The following PID1 variants were observed in gnomAD, a reference collection of about 807,000 sequenced individuals.
PID1 encodes the protein phosphotyrosine interaction domain containing 1, also known as PTB-containing, cubilin and LRP1-interacting protein.
A neutral mutation model predicts 19.1 loss-of-function variants in PID1; 10 were observed. The ratio of observed to expected loss-of-function variants is 0.52; its 90% CI spans 0.32 to 0.89. The LOEUF (loss-of-function observed/expected upper bound fraction) is 0.89, where lower values mean the gene tolerates loss of function less well. Ranked by LOEUF, PID1 falls within the 40% of genes least tolerant of loss-of-function variation. The probability of loss-of-function intolerance (pLI) is 0.03; values close to 1 mark genes in which losing one functional copy is unlikely to be tolerated. For synonymous variants in PID1, 130 were observed against 116.0 expected (o/e 1.12, Z -0.78); for missense variants, 248 against 285.3 (o/e 0.87, Z 0.94).
intron 2 of PID1, among the ~76,000 whole-genome samples, chr2:229,066,197 C>T (rs1356674612): frequency 6.6e-6 from 1 of 151,810 alleles, no homozygotes; most frequent in Non-Finnish European, 1.5e-5. Context: ...AGATTCTATC[C>T]ATTCATTTAC....
intron 1 of PID1, among the ~76,000 whole-genome samples, chr2:229,263,706 A>C (rs2106293733): frequency 6.6e-6 from 1 of 152,334 alleles, no homozygotes; most frequent in African/African-American, 2.4e-5. Context: ...GAGACAACAA[A>C]ATCTCTGTCC....
At chr2:229,157,578 T>G (rs1690401369) in intron 1 of PID1, among the ~76,000 whole-genome samples, 1 of 152,186 alleles carries the variant, frequency 6.6e-6, no homozygotes, top group Admixed American at 6.5e-5. Context: ...CACAGAGCAT[T>G]AGTGATGCCC....
rs1693384320 is a variant in PID1 at position 229,025,186 on chromosome 2, C to A, written c.*446G>T. ...GGCCCTCCCGAGATGTTCCTTCCTCCCTGCGGCCAGCGTCCCCATCAGCAC... is the reference window on the plus strand; with the variant it reads ...GGCCCTCCCGAGATGTTCCTTCCTCACTGCGGCCAGCGTCCCCATCAGCAC... On this transcript the variant is annotated 3_prime_UTR_variant, in exon 3 of 3. Coordinates refer to ENST00000392055, the MANE Select transcript of PID1 (RefSeq NM_001100818.2). The A allele has an allele frequency of 6.1e-6, 1 of 163,510 alleles. No homozygotes were observed. The highest frequency in any genetic ancestry group is 1.3e-5 in the Non-Finnish European group (1 of 74,298). The allele number at this position is 163,510 out of a possible 1,614,324, so 10.1% of individuals were successfully genotyped here.
intron 2 of PID1, among the ~76,000 whole-genome samples, chr2:229,079,673 G>A (rs1403393009): frequency 6.6e-6 from 1 of 152,186 alleles, no homozygotes; most frequent in Non-Finnish European, 1.5e-5. Flanking sequence ...ATCTCCAGTT[G>A]TTCCATTTGA....
intron 2 of PID1, among the ~76,000 whole-genome samples, chr2:229,041,819 G>A (rs994385650): frequency 8.6e-5 from 13 of 151,428 alleles, no homozygotes; most frequent in Non-Finnish European, 4.4e-5. Flanking sequence ...AATCCAAATG[G>A]AAGGGCATTG....
At chr2:229,257,611 T>G (rs1347092999) in intron 1 of PID1, among the ~76,000 whole-genome samples, 1 of 152,206 alleles carries the variant, frequency 6.6e-6, no homozygotes, top group Non-Finnish European at 1.5e-5. Flanking sequence ...AGCCCCAGAC[T>G]GGACAATATG....
At chr2:229,194,511 TAAG>T (rs1434496040) in intron 1 of PID1, among the ~76,000 whole-genome samples, 3 of 151,944 alleles carry the variant, frequency 2.0e-5, no homozygotes, top group Admixed American at 2.0e-4. Flanking sequence ...ATTTTTAAAT[TAAG>T]GAGAATGTAA....
chr2:229,128,888 G>C (rs1574651454), intron 2 of PID1, among the ~76,000 whole-genome samples: 1 of 152,268 alleles, frequency 6.6e-6, no homozygotes, highest in Non-Finnish European at 1.5e-5. Context: ...AAAATACAGA[G>C]TGCAATTGGA....
intron 2 of PID1, among the ~76,000 whole-genome samples, chr2:229,131,263 C>T (rs1689735001): frequency 6.6e-6 from 1 of 151,098 alleles, no homozygotes; most frequent in Admixed American, 6.6e-5. Flanking sequence ...CAGAGTCTCA[C>T]TCTGTCTCCC....
chr2:229,076,093 G>A (rs1694552141), intron 2 of PID1, among the ~76,000 whole-genome samples: 4 of 152,190 alleles, frequency 2.6e-5, no homozygotes, highest in East Asian at 1.9e-4. Flanking sequence ...AGTTAAAAGC[G>A]TTAATTCATT....
intron 2 of PID1, among the ~76,000 whole-genome samples, chr2:229,076,725 A>ACT (rs913685052): frequency 1.3e-5 from 2 of 150,934 alleles, no homozygotes; most frequent in Non-Finnish European, 3.0e-5. Context: ...ACATGAACTC[A>ACT]CTCTCTTTTA....
At chr2:229,161,099 T>C (rs575369638) in intron 1 of PID1, among the ~76,000 whole-genome samples, 15 of 152,354 alleles carry the variant, frequency 9.8e-5, no homozygotes, top group African/African-American at 3.1e-4. Context: ...GCTGACCATC[T>C]GAGTGTCTCA....
chr2:229,155,795 C>T (rs1386306645), intron 2 of PID1, 23 bp downstream of exon 2: 4 of 1,589,496 alleles, frequency 2.5e-6, no homozygotes, highest in Non-Finnish European at 3.4e-6. Context: ...CAAGAGAACC[C>T]CTGCTGGCCA....
chr2:229,201,441 G>T (rs1691497263), intron 1 of PID1, among the ~76,000 whole-genome samples: 1 of 151,942 alleles, frequency 6.6e-6, no homozygotes, highest in Non-Finnish European at 1.5e-5. Context: ...CCATGTCGTG[G>T]CATGTGTCAG....
At chr2:229,110,410 G>A (rs1487853309) in intron 2 of PID1, among the ~76,000 whole-genome samples, 3 of 152,170 alleles carry the variant, frequency 2.0e-5, no homozygotes, top group East Asian at 3.9e-4. Context: ...CTGTATCTGA[G>A]GGGAGGCAAG....
chr2:229,176,159 TA>T (rs3084653), intron 1 of PID1, among the ~76,000 whole-genome samples: 130,379 of 149,548 alleles, frequency 0.87, 57,095 homozygotes, highest in Non-Finnish European at 0.91. Context: ...CTTCAAAAAT[TA>T]AAAAAAAAAA....
rs77093465 is a variant in PID1, at chr2:229,121,429, T to C, written c.177+34389A>G. The stretch of plus-strand genomic sequence containing the variant: ...TGGGAACCATGTGCCTAGGAAGCAC[T>C]TCATCCAAGCTATAGTCTTTGCTCT... On this transcript the variant is annotated intron_variant, in intron 2 of 2. Transcript: ENST00000392055. Among the ~76,000 whole-genome samples, 930 of 152,332 alleles carry C rather than the reference T, an allele frequency of 6.1e-3. 12 individuals are homozygous for C. The highest frequency in any genetic ancestry group is 0.021 in the African/African-American group (893 of 41,562).
intron 2 of PID1, among the ~76,000 whole-genome samples, chr2:229,041,125 C>T (rs559422385): frequency 1.2e-4 from 18 of 152,248 alleles, no homozygotes; most frequent in South Asian, 8.3e-4. Context: ...TCACTGTGAG[C>T]GTAACTAAAG....
At chr2:229,177,735 C>T (rs1690854023) in intron 1 of PID1, among the ~76,000 whole-genome samples, 1 of 152,166 alleles carries the variant, frequency 6.6e-6, no homozygotes, top group Admixed American at 6.5e-5. Flanking sequence ...CTTTCATCAT[C>T]ATCATCATCA....
Sources: gnomAD v4.1 joint callset for allele counts (sites outside exome capture counted in the v4.1 genomes callset) on GRCh38, gnomAD v4.1.1 for gene constraint, MANE v1.5 for transcripts, NCBI Gene and HGNC (gene_info 2026-07-23, HGNC 2026-07-21) for gene names.